Variants in PNPLA1 observed in about 807,000 individuals in gnomAD.
PNPLA1 encodes omega-hydroxyceramide transacylase.
PNPLA1 carries 36 observed loss-of-function variants against 51.7 expected under a neutral mutation model. The observed-to-expected ratio is 0.70, with a 90% CI of 0.53 to 0.92. The LOEUF (loss-of-function observed/expected upper bound fraction) is 0.92, where lower values mean the gene tolerates loss of function less well. PNPLA1 is among the 40% of genes least tolerant of loss of function. The probability of loss-of-function intolerance (pLI) is 0.00; values close to 1 mark genes in which losing one functional copy is unlikely to be tolerated. For missense variants in PNPLA1, 658 were observed against 682.5 expected (o/e 0.96, Z 0.40); for synonymous variants, 293 against 280.1 (o/e 1.05, Z -0.46).
intron 5 of PNPLA1, among the ~76,000 whole-genome samples, chr6:36,299,635 A>G (rs1770971176): frequency 1.3e-5 from 2 of 152,138 alleles, no homozygotes; most frequent in South Asian, 4.1e-4. Context: ...CGCCCGGCCA[A>G]CTTTTGGTAT....
intron 6 of PNPLA1, among the ~76,000 whole-genome samples, chr6:36,303,280 A>G (rs953055043): frequency 2.6e-5 from 4 of 151,968 alleles, no homozygotes; most frequent in Non-Finnish European, 4.4e-5. Flanking sequence ...ATTTTTAGTA[A>G]AGACAGGTTT....
intron 1 of PNPLA1, among the ~76,000 whole-genome samples, chr6:36,283,137 A>T (rs183132840): frequency 6.6e-6 from 1 of 152,292 alleles, no homozygotes; most frequent in Non-Finnish European, 1.5e-5. Flanking sequence ...TCCATTTGCC[A>T]ACACTAAGAC....
chr6:36,306,159 A>T, intron 6 of PNPLA1, 133 bp from the exon 7 acceptor site: 1 of 695,438 alleles, frequency 1.4e-6, no homozygotes, highest in Non-Finnish European at 2.4e-6. Context: ...CTGGTTGTAA[A>T]GATGAGAATT....
intron 1 of PNPLA1, among the ~76,000 whole-genome samples, chr6:36,273,086 A>G (rs1347996570): frequency 5.3e-5 from 8 of 151,916 alleles, no homozygotes; most frequent in Non-Finnish European, 1.2e-4. Flanking sequence ...TCTACTAAAA[A>G]AATACAAAAA....
intron 1 of PNPLA1, among the ~76,000 whole-genome samples, chr6:36,271,968 G>A (rs1582048186): frequency 2.0e-5 from 3 of 152,150 alleles, no homozygotes; most frequent in Non-Finnish European, 2.9e-5. Flanking sequence ...TCCTAATAGC[G>A]CCTAGTTCCC....
chr6:36,268,972 C>T (rs1769829784), upstream of PNPLA1, among the ~76,000 whole-genome samples: 1 of 151,260 alleles, frequency 6.6e-6, no homozygotes, highest in Non-Finnish European at 1.5e-5. Flanking sequence ...CACATGCATA[C>T]ACACGCATGT....
intron 1 of PNPLA1, among the ~76,000 whole-genome samples, chr6:36,287,080 T>C (rs929646929): frequency 2.6e-5 from 4 of 152,236 alleles, no homozygotes. Flanking sequence ...TAACTCTCGC[T>C]GTCTATCCAT....
intron 1 of PNPLA1, among the ~76,000 whole-genome samples, chr6:36,282,738 T>C (rs1561859944): frequency 6.6e-6 from 1 of 152,110 alleles, no homozygotes; most frequent in Non-Finnish European, 1.5e-5. Context: ...CAGGCTGGAG[T>C]GCAGTGACAA....
intron 1 of PNPLA1, among the ~76,000 whole-genome samples, chr6:36,279,861 T>C (rs2127331749): frequency 6.6e-6 from 1 of 152,328 alleles, no homozygotes; most frequent in African/African-American, 2.4e-5. Flanking sequence ...AAAGCATAGA[T>C]AAAGCAGCAC....
chr6:36,310,982 A>C (rs1003922907), intron 8 of PNPLA1, among the ~76,000 whole-genome samples: 1 of 152,196 alleles, frequency 6.6e-6, no homozygotes, highest in Non-Finnish European at 1.5e-5. Flanking sequence ...GACATTTGGG[A>C]GGGTCCCGGG....
chr6:36,293,261 G>A, intron 3 of PNPLA1, 135 bp downstream of exon 3: 1 of 897,018 alleles, frequency 1.1e-6, no homozygotes, highest in Non-Finnish European at 1.7e-6. Context: ...TTCTCATGTT[G>A]TTACTCAGAA....
chr6:36,304,884 C>T (rs1016141718), intron 6 of PNPLA1, among the ~76,000 whole-genome samples: 11 of 152,164 alleles, frequency 7.2e-5, no homozygotes. Context: ...TTAGCAATGT[C>T]TGCAGACATT....
chr6:36,243,271 G>A (rs890694893), intron 1 of PNPLA1: 9 of 152,274 alleles, frequency 5.9e-5, no homozygotes, highest in Admixed American at 3.9e-4. Context: ...GGTAGGCATC[G>A]TTTAGGCAAG....
intron 3 of PNPLA1, among the ~76,000 whole-genome samples, chr6:36,293,452 A>G (rs750752148): frequency 3.9e-5 from 6 of 152,120 alleles, no homozygotes; most frequent in Admixed American, 1.3e-4. Flanking sequence ...AACTCAAATG[A>G]TGAGGATGTT....
At chr6:36,271,205 G>A (rs745526803) in intron 1 of PNPLA1, among the ~76,000 whole-genome samples, 1 of 152,182 alleles carries the variant, frequency 6.6e-6, no homozygotes, top group Non-Finnish European at 1.5e-5. Flanking sequence ...AGAATAGGAA[G>A]GGGTGGGGAG....
intron 2 of PNPLA1, among the ~76,000 whole-genome samples, chr6:36,292,528 C>T (rs1770720248): frequency 6.6e-6 from 1 of 152,188 alleles, no homozygotes; most frequent in South Asian, 2.1e-4. Flanking sequence ...CACTGCTTTG[C>T]CTGCTGCTGA....
At position 36,291,367 on chromosome 6, in the gene PNPLA1, T is replaced by C; in HGVS notation, c.253T>C (p.Ser85Pro). The C allele has an allele frequency of 6.2e-7, 1 of 1,614,072 alleles. No individual in the cohort carries two copies. Among genetic ancestry groups the C allele is most frequent in the Non-Finnish European group, 8.5e-7 (1 of 1,180,012 alleles). Reference sequence around the variant, plus strand: ...CGTGGGTGTGGCCGAGGTGAAGAAATCCTTCCTGGGGCCCTTGTCCCCGTC... The same window carrying C: ...CGTGGGTGTGGCCGAGGTGAAGAAACCCTTCCTGGGGCCCTTGTCCCCGTC... ...LNVGVAEVKK[S>P]FLGPLSPSCK... The change falls in exon 2 of 9, where the codon TCC becomes CCC. Residue 85 changes from serine to proline, a missense_variant. By Grantham distance (74) the Ser-to-Pro change is moderately conservative. Coordinates refer to ENST00000636260, the MANE Select transcript of PNPLA1 (RefSeq NM_001374623.1).
chr6:36,288,625 T>C (rs959246389), intron 1 of PNPLA1, among the ~76,000 whole-genome samples: 1 of 151,608 alleles, frequency 6.6e-6, no homozygotes, highest in Non-Finnish European at 1.5e-5. Context: ...GCTAATTTTT[T>C]TTTTTTGTAT....
At chr6:36,252,646 A>G (rs1769447846) in intron 1 of PNPLA1, among the ~76,000 whole-genome samples, 2 of 152,112 alleles carry the variant, frequency 1.3e-5, no homozygotes, top group African/African-American at 4.8e-5. Context: ...TCTGAGGACC[A>G]AAGTGTGCTG....
Sources: gnomAD v4.1 joint callset for allele counts (sites outside exome capture counted in the v4.1 genomes callset) on GRCh38, gnomAD v4.1.1 for gene constraint, MANE v1.5 for transcripts, NCBI Gene and HGNC (gene_info 2026-07-23, HGNC 2026-07-21) for gene names.